Variants in AGBL1 observed in about 807,000 individuals in gnomAD.
The protein encoded by AGBL1 is cytosolic carboxypeptidase 4.
A neutral mutation model predicts 118.9 loss-of-function variants in AGBL1; 130 were observed. That is an observed-to-expected ratio of 1.09 (90% CI 0.95 to 1.26). The LOEUF (loss-of-function observed/expected upper bound fraction) is 1.26, where lower values mean the gene tolerates loss of function less well. Ranked by LOEUF, AGBL1 falls within the 50% of genes most tolerant of loss-of-function variation. The pLI is 0.00. For missense variants in AGBL1, 1,584 were observed against 1,298.1 expected (o/e 1.22, Z -3.38); for synonymous variants, 555 against 478.9 (o/e 1.16, Z -2.08).
intron 22 of AGBL1, among the ~76,000 whole-genome samples, chr15:86,818,883 A>T (rs78903608): frequency 0.012 from 1,807 of 152,248 alleles, 26 homozygotes; most frequent in Middle Eastern, 0.061. Flanking sequence ...TGCAAAATGG[A>T]TATAATAATT....
At chr15:86,226,970 C>T (rs1295633202) in intron 6 of AGBL1, among the ~76,000 whole-genome samples, 1 of 152,230 alleles carries the variant, frequency 6.6e-6, no homozygotes, top group Non-Finnish European at 1.5e-5. Flanking sequence ...CTTGCCTCAG[C>T]ACAATGAAAA....
chr15:86,091,077 C>T (rs1278929840), intron 1 of AGBL1, among the ~76,000 whole-genome samples: 2 of 152,114 alleles, frequency 1.3e-5, no homozygotes, highest in African/African-American at 2.4e-5. Flanking sequence ...GTACTGCCAC[C>T]GACTTTCTGG....
intron 5 of AGBL1, among the ~76,000 whole-genome samples, chr15:86,204,158 C>G (rs1003457632): frequency 6.6e-6 from 1 of 152,080 alleles, no homozygotes; most frequent in Non-Finnish European, 1.5e-5. Context: ...CTAAGCTTGT[C>G]AAGCCACTTA....
At chr15:86,220,015 A>C (rs1036010530) in intron 5 of AGBL1, among the ~76,000 whole-genome samples, 1 of 140,044 alleles carries the variant, frequency 7.1e-6, no homozygotes, top group Non-Finnish European at 1.5e-5. Flanking sequence ...GCAGTGGCAC[A>C]ATCTTGGTTC....
chr15:86,733,934 C>G (rs927639718), intron 22 of AGBL1, among the ~76,000 whole-genome samples: 1 of 152,170 alleles, frequency 6.6e-6, no homozygotes, highest in Non-Finnish European at 1.5e-5. Flanking sequence ...CACAGTCCTT[C>G]TCACCATTCT....
intron 17 of AGBL1, among the ~76,000 whole-genome samples, chr15:86,345,974 T>A (rs1489671026): frequency 2.0e-5 from 3 of 152,038 alleles, no homozygotes. Context: ...TGACTAGACA[T>A]ACACAGCTCT....
At chr15:87,001,545 G>A (rs1055556857) in intron 24 of AGBL1, among the ~76,000 whole-genome samples, 3 of 152,032 alleles carry the variant, frequency 2.0e-5, no homozygotes, top group African/African-American at 7.3e-5. Flanking sequence ...GATCCTTGAG[G>A]AATCGCCACA....
chr15:86,111,882 C>T lies in AGBL1; in HGVS notation c.52-30122C>T, dbSNP rs185665965. On this transcript the variant is annotated intron_variant, in intron 1 of 22. Transcript: ENST00000614907. ...CAACCACTCCCTATCTCTCTCATTACTGCCTAAACTCTGCCTCCTGTCAGA... is the reference window on the plus strand; with the variant it reads ...CAACCACTCCCTATCTCTCTCATTATTGCCTAAACTCTGCCTCCTGTCAGA... Among the ~76,000 whole-genome samples, 689 of 152,300 alleles carry T rather than the reference C, an allele frequency of 4.5e-3. 6 individuals are homozygous for T. The highest frequency in any genetic ancestry group is 0.01 in the Middle Eastern group (3 of 294).
At chr15:86,593,081 A>G (rs1394395921) in intron 21 of AGBL1, among the ~76,000 whole-genome samples, 1 of 152,132 alleles carries the variant, frequency 6.6e-6, no homozygotes, top group Non-Finnish European at 1.5e-5. Context: ...GGATTCATCA[A>G]TGGGTTATAG....
chr15:86,998,745 A>G (rs1196962850), intron 24 of AGBL1, among the ~76,000 whole-genome samples: 1 of 152,198 alleles, frequency 6.6e-6, no homozygotes, highest in Non-Finnish European at 1.5e-5. Context: ...TGGTTGAGAT[A>G]TAAGCATGAC....
chr15:86,525,314 C>T (rs4887477), intron 19 of AGBL1, among the ~76,000 whole-genome samples: 69,097 of 151,894 alleles, frequency 0.45, 16,509 homozygotes, highest in East Asian at 0.68. Context: ...TGAAAATCAC[C>T]ATATTTCCCA....
chr15:86,176,981 C>T (rs1326394367), intron 5 of AGBL1, among the ~76,000 whole-genome samples: 3 of 152,130 alleles, frequency 2.0e-5, no homozygotes, highest in Admixed American at 6.5e-5. Context: ...CTTCCCTCTC[C>T]TTCCATGCCT....
intron 6 of AGBL1, among the ~76,000 whole-genome samples, chr15:86,243,423 G>A (rs1311115348): frequency 1.3e-5 from 2 of 152,180 alleles, no homozygotes; most frequent in Non-Finnish European, 2.9e-5. Context: ...TACAAGTCAG[G>A]CCCTTGGAGG....
intron 21 of AGBL1, among the ~76,000 whole-genome samples, chr15:86,652,719 C>G (rs2085395767): frequency 6.6e-6 from 1 of 152,148 alleles, no homozygotes; most frequent in East Asian, 1.9e-4. Flanking sequence ...TTGAAGTTTT[C>G]TCTTTGAAAT....
intron 21 of AGBL1, among the ~76,000 whole-genome samples, chr15:86,630,065 T>C (rs2437794): frequency 0.41 from 62,471 of 152,114 alleles, 14,022 homozygotes; most frequent in Middle Eastern, 0.59. Context: ...ATGTGGTGCT[T>C]TGAAGAGGAT....
chr15:86,706,181 A>T (rs957866995), intron 22 of AGBL1, among the ~76,000 whole-genome samples: 1 of 152,108 alleles, frequency 6.6e-6, no homozygotes, highest in African/African-American at 2.4e-5. Context: ...ACTATATATT[A>T]TATATGTCAT....
At chr15:86,703,267 T>C (rs2086391556) in intron 22 of AGBL1, among the ~76,000 whole-genome samples, 1 of 152,174 alleles carries the variant, frequency 6.6e-6, no homozygotes, top group African/African-American at 2.4e-5. Flanking sequence ...ACAGTTTGGA[T>C]ACACTGAGTT....
intron 21 of AGBL1, among the ~76,000 whole-genome samples, chr15:86,670,393 C>G (rs2085719905): frequency 6.6e-6 from 1 of 151,928 alleles, no homozygotes; most frequent in Non-Finnish European, 1.5e-5. Flanking sequence ...CACCTGAGGT[C>G]AGGAGTTTGA....
intron 18 of AGBL1, among the ~76,000 whole-genome samples, chr15:86,422,634 A>T (rs2081807370): frequency 6.6e-6 from 1 of 152,194 alleles, no homozygotes; most frequent in Non-Finnish European, 1.5e-5. Flanking sequence ...AACCCTTCAA[A>T]AAAATCAATG....
Sources: gnomAD v4.1 joint callset for allele counts (sites outside exome capture counted in the v4.1 genomes callset) on GRCh38, gnomAD v4.1.1 for gene constraint, MANE v1.5 for transcripts, NCBI Gene and HGNC (gene_info 2026-07-23, HGNC 2026-07-21) for gene names.